Variants in LOC400499 observed in about 807,000 individuals in gnomAD.
At chr16:11,428,306 G>C in the LOC400499 span, among the ~76,000 whole-genome samples, 1 of 152,042 alleles carries the variant, frequency 6.6e-6, no homozygotes, top group East Asian at 1.9e-4. Flanking sequence ...TGAGTAGCTG[G>C]GATTACAGGC....
chr16:11,461,527 T>C, the LOC400499 span, among the ~76,000 whole-genome samples: 5 of 152,010 alleles, frequency 3.3e-5, no homozygotes, highest in African/African-American at 1.2e-4. Flanking sequence ...GGCCCAAAAA[T>C]AAAGTAGAAT....
chr16:11,476,556 T>C, the LOC400499 span, among the ~76,000 whole-genome samples: 7 of 152,222 alleles, frequency 4.6e-5, no homozygotes, highest in East Asian at 9.7e-4. Context: ...CTCATATGTC[T>C]GATCATGTGT....
the LOC400499 span, chr16:11,402,276 C>T: frequency 2.5e-6 from 1 of 398,170 alleles, no homozygotes; most frequent in African/African-American, 2.1e-5. Flanking sequence ...CAAATGGCCA[C>T]TCGGGGGCCA....
At chr16:11,381,110 G>C in the LOC400499 span, 1 of 152,166 alleles carries the variant, frequency 6.6e-6, no homozygotes, top group Non-Finnish European at 1.5e-5. Context: ...ATGTTCAACC[G>C]ATGCTTTATG....
chr16:11,428,162 T>C, the LOC400499 span, among the ~76,000 whole-genome samples: 5 of 152,262 alleles, frequency 3.3e-5, no homozygotes, highest in East Asian at 9.7e-4. Flanking sequence ...GGATTATTCA[T>C]GCCTCCCCTT....
the LOC400499 span, chr16:11,461,186 C>G: frequency 2.4e-5 from 35 of 1,471,166 alleles, no homozygotes; most frequent in African/African-American, 4.8e-4. Flanking sequence ...CATCCCCAGG[C>G]AAAGAAGGGA....
the LOC400499 span, chr16:11,462,243 C>A: frequency 4.6e-6 from 7 of 1,532,444 alleles, no homozygotes; most frequent in Non-Finnish European, 6.1e-6. Flanking sequence ...AGTTTCACCT[C>A]CAGCTGCGCC....
At chr16:11,479,738 G>C in the LOC400499 span, among the ~76,000 whole-genome samples, 1 of 152,118 alleles carries the variant, frequency 6.6e-6, no homozygotes, top group Non-Finnish European at 1.5e-5. Flanking sequence ...CAGGATGCAT[G>C]GTGCAAACTA....
At chr16:11,447,110 G>A in the LOC400499 span, among the ~76,000 whole-genome samples, 1 of 152,150 alleles carries the variant, frequency 6.6e-6, no homozygotes. Context: ...ACCTCACTGT[G>A]CCAGAGAAGT....
chr16:11,483,872 CA>C, the LOC400499 span, among the ~76,000 whole-genome samples: 2 of 148,236 alleles, frequency 1.3e-5, no homozygotes, highest in East Asian at 2.0e-4. Context: ...GAGACTGTCT[CA>C]AAAAAAAGGA....
the LOC400499 span, chr16:11,508,924 G>A: frequency 2.5e-6 from 1 of 398,168 alleles, no homozygotes; most frequent in Non-Finnish European, 4.4e-6. Flanking sequence ...AAGCCCTCTG[G>A]GAGTCGCCCC....
the LOC400499 span, chr16:11,469,788 T>G: frequency 2.5e-6 from 1 of 397,330 alleles, no homozygotes; most frequent in Non-Finnish European, 4.4e-6. Context: ...CCTGCAGAAT[T>G]GTAAAGCTCT....
At chr16:11,500,878 C>T in the LOC400499 span, 1 of 399,212 alleles carries the variant, frequency 2.5e-6, no homozygotes, top group Non-Finnish European at 4.4e-6. Flanking sequence ...TCCACCTCGT[C>T]TGCCTCCACC....
the LOC400499 span, among the ~76,000 whole-genome samples, chr16:11,403,170 C>T: frequency 0.029 from 4,363 of 152,256 alleles, 219 homozygotes; most frequent in African/African-American, 0.095. Context: ...CCCCTGTGCA[C>T]GCTGGTGACC....
At chr16:11,460,712 C>A in the LOC400499 span, 19 of 1,413,088 alleles carry the variant, frequency 1.3e-5, no homozygotes, top group Non-Finnish European at 1.7e-5. Context: ...CTCAGCCACA[C>A]CCCCCATGCT....
At chr16:11,439,275 G>A in the LOC400499 span, among the ~76,000 whole-genome samples, 2 of 152,126 alleles carry the variant, frequency 1.3e-5, no homozygotes, top group African/African-American at 4.8e-5. Flanking sequence ...CTTCAGCCTG[G>A]ACCATCACTT....
chr16:11,485,993 G>A, the LOC400499 span, among the ~76,000 whole-genome samples: 3 of 152,136 alleles, frequency 2.0e-5, no homozygotes, highest in East Asian at 3.9e-4. Flanking sequence ...GTGGACAGAT[G>A]AATAAGTGAA....
the LOC400499 span, among the ~76,000 whole-genome samples, chr16:11,378,659 T>TA: frequency 8.5e-5 from 13 of 152,230 alleles, no homozygotes; most frequent in African/African-American, 3.1e-4. Context: ...GGTCTCAAGA[T>TA]ACTTTCTGAT....
chr16:11,446,552 T>C, the LOC400499 span: 1 of 1,536,044 alleles, frequency 6.5e-7, no homozygotes, highest in Non-Finnish European at 8.7e-7. Context: ...GCTCTTACCG[T>C]GTGCTGATTC....
Sources: allele counts gnomAD v4.1 joint callset (sites outside exome capture counted in the v4.1 genomes callset), GRCh38; gene constraint gnomAD v4.1.1; transcripts MANE v1.5.